Variants in MAST4 observed in about 807,000 individuals in gnomAD.
MAST4 encodes the protein microtubule associated serine/threonine kinase family member 4, also known as microtubule-associated serine/threonine-protein kinase 4.
A neutral mutation model predicts 162.7 loss-of-function variants in MAST4; 89 were observed. That is an observed-to-expected ratio of 0.55 (90% CI 0.46 to 0.65). The LOEUF is 0.65. Among genes scored for constraint, MAST4 ranks in the 30% least tolerant of loss-of-function variants. The pLI is 0.00. For missense variants in MAST4, 3,153 were observed against 3,374.0 expected (o/e 0.93, Z 1.62); for synonymous variants, 1,479 against 1,361.1 (o/e 1.09, Z -1.91).
chr5:66,607,867 G>A (rs779649484), intron 1 of MAST4, among the ~76,000 whole-genome samples: 7 of 151,722 alleles, frequency 4.6e-5, no homozygotes, highest in Non-Finnish European at 7.4e-5. Flanking sequence ...TCTTTTTGAC[G>A]GACTTGATAA....
chr5:67,115,316 A>G (rs1766765926), intron 12 of MAST4, among the ~76,000 whole-genome samples: 1 of 152,210 alleles, frequency 6.6e-6, no homozygotes, highest in African/African-American at 2.4e-5. Context: ...GTATTTGCAA[A>G]CAGTGTTTAT....
intron 1 of MAST4, among the ~76,000 whole-genome samples, chr5:66,598,754 A>G (rs1004487785): frequency 6.6e-6 from 1 of 152,156 alleles, no homozygotes; most frequent in Non-Finnish European, 1.5e-5. Flanking sequence ...TATGTTTTCT[A>G]TTTAGCTAGG....
At chr5:66,903,762 T>A (rs1311043783) in intron 4 of MAST4, among the ~76,000 whole-genome samples, 1 of 152,212 alleles carries the variant, frequency 6.6e-6, no homozygotes. Context: ...GTTGAGACTC[T>A]GAATGCCTGT....
intron 4 of MAST4, among the ~76,000 whole-genome samples, chr5:66,999,226 G>A (rs1271024066): frequency 1.3e-5 from 2 of 152,296 alleles, no homozygotes; most frequent in Non-Finnish European, 2.9e-5. Flanking sequence ...CCCACGGGGT[G>A]GAACTCTGTT....
chr5:66,739,846 GTT>G (rs35980021), intron 1 of MAST4, among the ~76,000 whole-genome samples: 191 of 135,704 alleles, frequency 1.4e-3, no homozygotes, highest in African/African-American at 3.5e-3. Flanking sequence ...CATCACTCTT[GTT>G]TTTTTTTTTT....
chr5:66,820,635 A>G (rs1235895787), intron 3 of MAST4, among the ~76,000 whole-genome samples: 2 of 152,208 alleles, frequency 1.3e-5, no homozygotes, highest in Admixed American at 6.5e-5. Flanking sequence ...TAGAAATGCT[A>G]TATTTTGTTG....
At chr5:66,929,224 G>T (rs1389844728) in intron 4 of MAST4, among the ~76,000 whole-genome samples, 2 of 152,156 alleles carry the variant, frequency 1.3e-5, no homozygotes, top group South Asian at 2.1e-4. Flanking sequence ...GGCCATTAGG[G>T]TAAGTCCTGG....
chr5:67,071,495 G>C (rs1209216184), intron 5 of MAST4, among the ~76,000 whole-genome samples: 1 of 151,894 alleles, frequency 6.6e-6, no homozygotes, highest in Non-Finnish European at 1.5e-5. Flanking sequence ...GCTCACGCCT[G>C]TAATCCCAGC....
Position 66,613,076 on chromosome 5 carries a change from C to A in MAST4, c.363+16058C>A, listed in dbSNP as rs1743400728. Among the ~76,000 whole-genome samples, 3 of 152,042 alleles carry A rather than the reference C, an allele frequency of 2.0e-5. No individual in the cohort carries two copies. In the South Asian group the frequency reaches 6.2e-4, roughly 32 times the overall value. ...TTGCTAGGTAATTAAACAATGTTTA[C>A]AATTAATATATTTATATTTAAATAG... On this transcript the variant is annotated intron_variant, in intron 1 of 28. Coordinates refer to ENST00000403625, the MANE Select transcript of MAST4 (RefSeq NM_001164664.2).
chr5:66,892,586 C>T (rs1762429613), intron 3 of MAST4, among the ~76,000 whole-genome samples: 1 of 152,108 alleles, frequency 6.6e-6, no homozygotes. Flanking sequence ...TTTTACTTTG[C>T]TTATCTTTGA....
At chr5:66,963,216 G>T (rs1746239645) in intron 4 of MAST4, among the ~76,000 whole-genome samples, 1 of 152,092 alleles carries the variant, frequency 6.6e-6, no homozygotes, top group African/African-American at 2.4e-5. Context: ...TTGCCCCTGA[G>T]GATTAGATAA....
At chr5:67,018,939 A>C (rs1753647101) in intron 4 of MAST4, among the ~76,000 whole-genome samples, 2 of 152,184 alleles carry the variant, frequency 1.3e-5, no homozygotes, top group African/African-American at 4.8e-5. Context: ...TTAAAAAATC[A>C]CCCCAAATCC....
chr5:67,054,533 A>T (rs1396818365), intron 5 of MAST4, 41 bp downstream of exon 5: 2 of 1,517,706 alleles, frequency 1.3e-6, no homozygotes, highest in Admixed American at 2.2e-5. Flanking sequence ...TTATTTCTTT[A>T]TTTGTTGGTT....
intron 3 of MAST4, among the ~76,000 whole-genome samples, chr5:66,815,355 C>T (rs1441149839): frequency 6.6e-6 from 1 of 152,124 alleles, no homozygotes; most frequent in Non-Finnish European, 1.5e-5. Context: ...GAATACAGTA[C>T]AGTATTTTGA....
chr5:67,090,271 A>G (rs758645897), intron 6 of MAST4, 40 bp downstream of exon 6: 1 of 1,500,220 alleles, frequency 6.7e-7, no homozygotes, highest in East Asian at 2.3e-5. Flanking sequence ...GGTCTTATAG[A>G]GAGAATCCCA....
At chr5:66,676,666 T>G (rs915971258) in intron 1 of MAST4, among the ~76,000 whole-genome samples, 1 of 152,194 alleles carries the variant, frequency 6.6e-6, no homozygotes, top group African/African-American at 2.4e-5. Flanking sequence ...AGAATGAAGT[T>G]TTTTCTTAAT....
chr5:67,065,254 C>T (rs1484011218), intron 5 of MAST4, among the ~76,000 whole-genome samples: 1 of 152,062 alleles, frequency 6.6e-6, no homozygotes, highest in Non-Finnish European at 1.5e-5. Context: ...TCACCTCTCA[C>T]TCTTGTGGTT....
chr5:66,736,104 C>T (rs1270769269), intron 1 of MAST4, among the ~76,000 whole-genome samples: 1 of 152,178 alleles, frequency 6.6e-6, no homozygotes, highest in Non-Finnish European at 1.5e-5. Context: ...ATGGCAGACC[C>T]TAGCACCATC....
At chr5:67,081,272 G>A (rs1352380683) in intron 5 of MAST4, among the ~76,000 whole-genome samples, 4 of 150,892 alleles carry the variant, frequency 2.7e-5, no homozygotes, top group South Asian at 2.1e-4. Flanking sequence ...GGTTATGTAC[G>A]TGCTTAACCC....
Sources: allele counts gnomAD v4.1 joint callset (sites outside exome capture counted in the v4.1 genomes callset), GRCh38; gene constraint gnomAD v4.1.1; transcripts MANE v1.5; gene names NCBI Gene and HGNC (gene_info 2026-07-23, HGNC 2026-07-21).